The following AGO1 variants were observed in gnomAD, a reference collection of about 807,000 sequenced individuals.
AGO1 encodes argonaute RISC component 1, also known as protein argonaute-1.
In AGO1, 11 loss-of-function variants were observed where a neutral mutation model predicts 109.2. The observed-to-expected ratio is 0.10, with a 90% CI of 0.06 to 0.17. The LOEUF is 0.17. Ranked by LOEUF, AGO1 falls within the 10% of genes least tolerant of loss-of-function variation. The pLI is 1.00. For missense variants in AGO1, 574 were observed against 1,140.3 expected, an observed-to-expected ratio of 0.50 and a Z score of 7.15; for synonymous variants, 422 against 418.6, an observed-to-expected ratio of 1.01 and a Z score of -0.10.
intron 12 of AGO1, 56 bp downstream of exon 12, chr1:35,907,175 C>T: frequency 1.4e-6 from 2 of 1,470,312 alleles, no homozygotes; most frequent in Non-Finnish European, 1.8e-6. Context: ...AGCGTAGTTC[C>T]CTGGGGTCTC....
At chr1:35,904,199 G>A (rs960674932) in intron 11 of AGO1, among the ~76,000 whole-genome samples, 8 of 147,298 alleles carry the variant, frequency 5.4e-5, no homozygotes, top group Admixed American at 1.4e-4. Context: ...TCCGCCTTCC[G>A]GGTTCACGCC....
chr1:35,915,336 TCTGA>T lies in AGO1; in HGVS notation c.1834-8_1834-5del. The T allele has an allele frequency of 1.2e-6, 2 of 1,608,890 alleles. No homozygotes were observed. The highest frequency in any genetic ancestry group is 2.2e-5 in the East Asian group (1 of 44,740). On this transcript the variant is annotated splice_polypyrimidine_tract_variant and splice_region_variant and intron_variant, in intron 14 of 18. Coordinates refer to ENST00000373204, the MANE Select transcript of AGO1 (RefSeq NM_012199.5). ...AGGTTCTAGGAGCTAATCCTTTCTCTCTGACTGTCAGGTGGTAGGCAGTATGGAT... is the reference window on the plus strand; with the variant it reads ...AGGTTCTAGGAGCTAATCCTTTCTCTCTGTCAGGTGGTAGGCAGTATGGAT...
chr1:35,908,160 C>G (rs953204759), intron 12 of AGO1, among the ~76,000 whole-genome samples: 1 of 152,196 alleles, frequency 6.6e-6, no homozygotes, highest in South Asian at 2.1e-4. Flanking sequence ...CTATACCTCA[C>G]CAGCCACTTA....
Position 35,915,495 on chromosome 1 carries a change from C to T in AGO1, c.1981C>T (p.Arg661Cys), listed in dbSNP as rs750855900. Reference sequence around the variant, plus strand: ...CAAGTCCACCCGTTTCAAGCCTACCCGCATCATCTTCTACCGAGATGGGGT... The same window carrying T: ...CAAGTCCACCCGTTTCAAGCCTACCTGCATCATCTTCTACCGAGATGGGGT... ...FYKSTRFKPT[R>C]IIFYRDGVPE... is the part of the protein sequence containing the mutation. The change falls in exon 15 of 19, where the codon CGC (arginine) becomes TGC (cysteine). Residue 661 changes from arginine (R) to cysteine (C), a missense_variant. Arg to Cys is a radical substitution (Grantham distance 180). Transcript: ENST00000373204. 7.4e-6 allele frequency: 12 copies of T among 1,614,026 alleles called. No individual in the cohort carries two copies. The highest frequency in any genetic ancestry group is 1.0e-5 in the Non-Finnish European group (12 of 1,180,044).
chr1:35,915,494 C>T lies in AGO1; in HGVS notation c.1980C>T (p.Thr660=), dbSNP rs147571046. The T allele has an allele frequency of 1.3e-4, 206 of 1,614,026 alleles. No individual in the cohort carries two copies. The highest frequency in any genetic ancestry group is 1.4e-5 in the Non-Finnish European group (17 of 1,180,050). The change falls in exon 15 of 19, where the codon ACC becomes ACT. Residue 660 remains threonine (T), a synonymous_variant. Coordinates refer to ENST00000373204, the MANE Select transcript of AGO1 (RefSeq NM_012199.5). ...ACAAGTCCACCCGTTTCAAGCCTACCCGCATCATCTTCTACCGAGATGGGG... is the reference window on the plus strand; with the variant it reads ...ACAAGTCCACCCGTTTCAAGCCTACTCGCATCATCTTCTACCGAGATGGGG... ...QFYKSTRFKP[T]RIIFYRDGVP... is the part of the protein sequence containing the mutation.
chr1:35,916,147 C>G (rs1397924284), intron 15 of AGO1, among the ~76,000 whole-genome samples: 2 of 148,246 alleles, frequency 1.3e-5, no homozygotes, highest in African/African-American at 5.0e-5. Context: ...ACTTCACTTT[C>G]TTTTTTTTTT....
At chr1:35,903,980 A>G (rs1645470535) in intron 11 of AGO1, among the ~76,000 whole-genome samples, 1 of 151,752 alleles carries the variant, frequency 6.6e-6, no homozygotes, top group South Asian at 2.1e-4. Flanking sequence ...AAAAAGTTCT[A>G]ACAGCTCCTG....
chr1:35,886,308 G>T (rs1165269461), intron 1 of AGO1, among the ~76,000 whole-genome samples: 1 of 152,160 alleles, frequency 6.6e-6, no homozygotes, highest in Admixed American at 6.5e-5. Flanking sequence ...GGTAAGGGGG[G>T]CGGGGAGGAG....
intron 11 of AGO1, among the ~76,000 whole-genome samples, chr1:35,905,087 C>T (rs1429177112): frequency 6.6e-6 from 1 of 152,180 alleles, no homozygotes; most frequent in African/African-American, 2.4e-5. Flanking sequence ...TCTCACAATA[C>T]TTTGTGGCCC....
chr1:35,896,678 A>G (rs1482870389), intron 8 of AGO1, among the ~76,000 whole-genome samples: 1 of 152,120 alleles, frequency 6.6e-6, no homozygotes, highest in Non-Finnish European at 1.5e-5. Flanking sequence ...CTTTTATCCA[A>G]CAGCAGAAGT....
intron 15 of AGO1, among the ~76,000 whole-genome samples, chr1:35,916,511 G>T (rs754996248): frequency 1.3e-5 from 2 of 152,104 alleles, no homozygotes; most frequent in African/African-American, 2.4e-5. Flanking sequence ...GGGGCTATAG[G>T]TATGAGTCAC....
chr1:35,903,523 T>C (rs952101563), intron 11 of AGO1, among the ~76,000 whole-genome samples: 6 of 152,082 alleles, frequency 3.9e-5, no homozygotes, highest in African/African-American at 1.4e-4. Context: ...TGGGGAAGTA[T>C]GCCATGACGA....
chr1:35,878,084 TTTA>T (rs1224130635), intron 1 of AGO1, among the ~76,000 whole-genome samples: 2 of 151,786 alleles, frequency 1.3e-5, no homozygotes, highest in South Asian at 4.2e-4. Context: ...TTTTTATTTA[TTTA>T]TTTATTTATT....
rs1646009159 is a variant in AGO1, at chr1:35,930,216, C to CT, written c.*10610dup. The CT allele has an allele frequency of 6.6e-6, 1 of 152,150 alleles. No homozygotes were observed. Among genetic ancestry groups the CT allele is most frequent in the African/African-American group, 2.4e-5 (1 of 41,416 alleles). 9.4% of individuals were successfully genotyped at this position (152,150 alleles called of 1,614,324 possible). On this transcript the variant is annotated 3_prime_UTR_variant, in exon 19 of 19. Transcript: ENST00000373204. ...GCTACCAAGGCAATACTGTAGTAGA[C>CT]TAACAGGTGCCCCACCATAGATGGG...
At chr1:35,875,089 A>T (rs1288351861) in intron 1 of AGO1, among the ~76,000 whole-genome samples, 2 of 152,242 alleles carry the variant, frequency 1.3e-5, no homozygotes, top group African/African-American at 2.4e-5. Context: ...GATCTGACTA[A>T]AATAATTGAT....
At chr1:35,906,822 A>C (rs1009926971) in intron 11 of AGO1, 113 bp from the exon 12 acceptor site, 14 of 945,254 alleles carry the variant, frequency 1.5e-5, no homozygotes, top group African/African-American at 3.3e-5. Context: ...AAAAAAAAAA[A>C]AAACCAATCT....
In AGO1 at chr1:35,901,835, G is replaced by T; in HGVS notation, c.1141-113G>T. On this transcript the variant is annotated intron_variant, in intron 9 of 18. Transcript: ENST00000373204. The surrounding 1 kb of genome is among the most constrained non-coding windows in gnomAD (Gnocchi z 4.8). ...TCTTCCACTTTCTCTCTCTTTTTAG[G>T]ACTATTCCGTACCAACCCCAGCTTC... The T allele has an allele frequency of 2.1e-6, 3 of 1,444,656 alleles. No homozygotes were observed. The highest frequency in any genetic ancestry group is 2.8e-6 in the Non-Finnish European group (3 of 1,070,144). 89.5% of individuals were successfully genotyped at this position (1,444,656 alleles called of 1,614,324 possible). A position where few individuals can be genotyped will look rare whatever the true frequency, so the allele number is the denominator to read the frequency against.
chr1:35,902,590 T>C (rs1645437467), intron 11 of AGO1, among the ~76,000 whole-genome samples: 1 of 152,226 alleles, frequency 6.6e-6, no homozygotes, highest in South Asian at 2.1e-4. Flanking sequence ...GCCTGAATTA[T>C]TGTTATAATT....
At chr1:35,904,798 T>C (rs1000898029) in intron 11 of AGO1, among the ~76,000 whole-genome samples, 2 of 152,096 alleles carry the variant, frequency 1.3e-5, no homozygotes, top group Admixed American at 6.6e-5. Context: ...TAAGCAGAGA[T>C]TGAAGATATA....
Sources: gnomAD v4.1 joint callset for allele counts (sites outside exome capture counted in the v4.1 genomes callset) on GRCh38, gnomAD v4.1.1 for gene constraint, Gnocchi (gnomAD v3.1) non-coding constraint, MANE v1.5 for transcripts, NCBI Gene and HGNC (gene_info 2026-07-23, HGNC 2026-07-21) for gene names.